The following PTPN1 variants were observed in gnomAD, a reference collection of about 807,000 sequenced individuals.
The protein encoded by PTPN1 is tyrosine-protein phosphatase non-receptor type 1.
Under a neutral mutation model 59.9 loss-of-function variants are expected in PTPN1, and 12 were observed. The observed-to-expected ratio is 0.20, with a 90% confidence interval of 0.13 to 0.32. The LOEUF (loss-of-function observed/expected upper bound fraction) is 0.32. Among genes scored for constraint, PTPN1 ranks in the 10% least tolerant of loss-of-function variants. The probability of loss-of-function intolerance (pLI) is 1.00; values close to 1 mark genes in which losing one functional copy is unlikely to be tolerated. For synonymous variants in PTPN1, 178 were observed against 203.6 expected, an observed-to-expected ratio of 0.87 and a Z score of 1.07; for missense variants, 356 against 549.2, an observed-to-expected ratio of 0.65 and a Z score of 3.52.
intron 4 of PTPN1, chr20:50,571,057 T>C (rs1455526517): frequency 6.6e-6 from 1 of 152,282 alleles, no homozygotes; most frequent in African/African-American, 2.4e-5. Flanking sequence ...GCTTTAGCAA[T>C]TGTTGTCACA....
At chr20:50,517,882 A>G (rs908618114) in intron 1 of PTPN1, among the ~76,000 whole-genome samples, 1 of 152,170 alleles carries the variant, frequency 6.6e-6, no homozygotes, top group African/African-American at 2.4e-5. Context: ...TTTACTTTTC[A>G]GATGTTTCTT....
chr20:50,517,583 G>A (rs1177115602), intron 1 of PTPN1, among the ~76,000 whole-genome samples: 2 of 152,130 alleles, frequency 1.3e-5, no homozygotes, highest in Non-Finnish European at 2.9e-5. Context: ...AGAGAAAAAC[G>A]TATGACATCG....
chr20:50,560,143 G>T (rs2082745556), intron 1 of PTPN1, among the ~76,000 whole-genome samples: 1 of 152,112 alleles, frequency 6.6e-6, no homozygotes, highest in African/African-American at 2.4e-5. Context: ...CTAGCTGCCA[G>T]CGGTGTGAGT....
At position 50,575,470 on chromosome 20, in the gene PTPN1, A is replaced by T. The variant is rs541355327; in HGVS notation, c.492+816A>T. Among the ~76,000 whole-genome samples, 5 of 152,334 alleles carry T rather than the reference A, an allele frequency of 3.3e-5. No homozygotes were observed. In the South Asian group the frequency reaches 1.0e-3, roughly 32 times the overall value. On this transcript the variant is annotated intron_variant, in intron 5 of 9. Coordinates refer to ENST00000371621, the MANE Select transcript of PTPN1 (RefSeq NM_002827.4). ...GGGTTAGCAGTTACCATGGGTGTGT[A>T]GCACGGGCTTTATCTGAAGGGAAGG...
At chr20:50,579,045 A>G (rs1290545879) in intron 6 of PTPN1, 123 bp from the exon 7 acceptor site, 11 of 1,174,512 alleles carry the variant, frequency 9.4e-6, no homozygotes, top group Non-Finnish European at 7.3e-6. Flanking sequence ...ACCCAGCCCC[A>G]CCTCCAACAC....
intron 1 of PTPN1, among the ~76,000 whole-genome samples, chr20:50,534,801 C>G (rs1019939632): frequency 6.6e-6 from 1 of 152,158 alleles, no homozygotes; most frequent in Admixed American, 6.5e-5. Flanking sequence ...TCATAGCTTA[C>G]TGTAACCTCA....
At chr20:50,571,244 A>G (rs1239079472) in intron 4 of PTPN1, 1 of 152,258 alleles carries the variant, frequency 6.6e-6, no homozygotes, top group Non-Finnish European at 1.5e-5. Flanking sequence ...CTGTGGTGGC[A>G]TCGAGAACAT....
intron 1 of PTPN1, among the ~76,000 whole-genome samples, chr20:50,560,231 C>A (rs2082745939): frequency 6.6e-6 from 1 of 151,974 alleles, no homozygotes. Context: ...GTGGAGCGCT[C>A]ACATCTTCCA....
chr20:50,577,105 T>G (rs2082840569), intron 5 of PTPN1, among the ~76,000 whole-genome samples: 1 of 152,142 alleles, frequency 6.6e-6, no homozygotes, highest in South Asian at 2.1e-4. Flanking sequence ...ATTTAATATT[T>G]AATGAACATT....
chr20:50,544,565 A>G (rs756959781), intron 1 of PTPN1, among the ~76,000 whole-genome samples: 17 of 152,224 alleles, frequency 1.1e-4, no homozygotes, highest in Non-Finnish European at 1.2e-4. Context: ...GAAAAACACT[A>G]ACATTCCAAA....
At chr20:50,566,916 C>T (rs1028257399) in intron 3 of PTPN1, among the ~76,000 whole-genome samples, 1 of 152,112 alleles carries the variant, frequency 6.6e-6, no homozygotes, top group Admixed American at 6.5e-5. Flanking sequence ...CCATGTGCCA[C>T]GGGATTTCTG....
chr20:50,535,007 C>T (rs2082618230), intron 1 of PTPN1, among the ~76,000 whole-genome samples: 1 of 126,184 alleles, frequency 7.9e-6, no homozygotes, highest in Admixed American at 8.2e-5. Flanking sequence ...ATTGGCCTCC[C>T]AAAGTGCTGG....
In PTPN1 at chr20:50,561,364, A is replaced by G. The variant is rs2082751745; in HGVS notation, c.65A>G (p.Asp22Gly). 1.0e-5 allele frequency: 16 copies of G among 1,603,476 alleles called. No individual in the cohort carries two copies. Among genetic ancestry groups the G allele is most frequent in the Non-Finnish European group, 1.4e-5 (16 of 1,175,292 alleles). The change falls in exon 2 of 10, where the codon GAT becomes GGT. Residue 22 changes from aspartate (D) to glycine (G), a missense_variant and splice_region_variant. Physicochemically the swap from Asp to Gly is moderately conservative, Grantham distance 94 (BLOSUM62 -1). This residue lies in a region of PTPN1 where 194 missense variants were observed against 344.2 expected (regional missense o/e 0.56). Transcript: ENST00000371621. ...AAATGTCTTTATTCTTTTTTGTAGG[A>G]TATCCGACATGAAGCCAGTGACTTC... ...KSGSWAAIYQ[D>G]IRHEASDFPC... is the part of the protein sequence containing the mutation.
chr20:50,510,685 C>T lies in PTPN1; in HGVS notation c.63+95C>T, dbSNP rs561053872. The T allele has an allele frequency of 9.4e-5, 122 of 1,296,416 alleles. No homozygotes were observed. In the South Asian group the frequency reaches 1.7e-3, roughly 18 times the overall value. The allele number at this position is 1,296,416 out of a possible 1,614,324, so 80.3% of individuals were successfully genotyped here. ...GCCCCAGACTCCCTCTGGGTCTTGC[C>T]CTCTGCCTCGCTCCTACTGCTTGAG... is the stretch of plus-strand genomic sequence containing the variant. On this transcript the variant is annotated intron_variant, in intron 1 of 9. Transcript: ENST00000371621.
At chr20:50,545,644 A>C (rs913220249) in intron 1 of PTPN1, among the ~76,000 whole-genome samples, 10 of 152,098 alleles carry the variant, frequency 6.6e-5, no homozygotes, top group African/African-American at 2.4e-4. Context: ...CAGAACTCTT[A>C]ATACCCAGGA....
chr20:50,581,199 TAGC>T, intron 8 of PTPN1, 63 bp from the exon 9 acceptor site: 1 of 1,523,314 alleles, frequency 6.6e-7, no homozygotes, highest in Non-Finnish European at 8.9e-7. Context: ...CCTGCCACAA[TAGC>T]AGCATCCTTG....
chr20:50,527,736 A>G (rs2082583435), intron 1 of PTPN1, among the ~76,000 whole-genome samples: 1 of 152,210 alleles, frequency 6.6e-6, no homozygotes, highest in Admixed American at 6.5e-5. Flanking sequence ...AATGCAGTTC[A>G]GTGTGGTAGA....
intron 1 of PTPN1, among the ~76,000 whole-genome samples, chr20:50,525,220 C>T (rs1275945477): frequency 2.0e-5 from 3 of 152,136 alleles, no homozygotes; most frequent in African/African-American, 7.2e-5. Flanking sequence ...CCACTACAGC[C>T]GGCTAATTTT....
At chr20:50,510,619 C>A in intron 1 of PTPN1, 29 bp downstream of exon 1, 2 of 1,548,742 alleles carry the variant, frequency 1.3e-6, no homozygotes, top group Non-Finnish European at 1.7e-6. Context: ...GCGTGGCGGG[C>A]CCTTCGCTTA....
Sources: allele counts gnomAD v4.1 joint callset (sites outside exome capture counted in the v4.1 genomes callset), GRCh38; gene constraint gnomAD v4.1.1; regional missense constraint gnomAD v4.1.1; transcripts MANE v1.5; gene names NCBI Gene and HGNC (gene_info 2026-07-23, HGNC 2026-07-21).